The following ASB3 variants were observed in gnomAD, a reference collection of about 807,000 sequenced individuals.
ASB3 encodes the protein ankyrin repeat and SOCS box containing 3.
A neutral mutation model predicts 54.5 loss-of-function variants in ASB3; 41 were observed. The ratio of observed to expected loss-of-function variants is 0.75; its 90% CI spans 0.59 to 0.98. The LOEUF (loss-of-function observed/expected upper bound fraction) is 0.98, where lower values mean the gene tolerates loss of function less well. Ranked by LOEUF, ASB3 falls within the 50% of genes least tolerant of loss-of-function variation. The probability of loss-of-function intolerance (pLI) is 0.00; values close to 1 mark genes in which losing one functional copy is unlikely to be tolerated. For missense variants in ASB3, 733 were observed against 620.0 expected, an observed-to-expected ratio of 1.18 and a Z score of -1.94; for synonymous variants, 266 against 221.2, an observed-to-expected ratio of 1.20 and a Z score of -1.80.
chr2:53,673,061 T>C (rs889832407), intron 9 of ASB3, among the ~76,000 whole-genome samples: 4 of 152,194 alleles, frequency 2.6e-5, no homozygotes, highest in Non-Finnish European at 2.9e-5. Context: ...GTAGGAACAC[T>C]GGCATTCTAG....
intron 9 of ASB3, among the ~76,000 whole-genome samples, chr2:53,671,759 C>CAA (rs201308530): frequency 1.8e-5 from 2 of 110,760 alleles, no homozygotes; most frequent in African/African-American, 6.4e-5. Context: ...AACTCCTTCT[C>CAA]AAAAAAAAAA....
chr2:53,692,398 G>A (rs950583572), intron 9 of ASB3, among the ~76,000 whole-genome samples: 2 of 152,070 alleles, frequency 1.3e-5, no homozygotes, highest in African/African-American at 2.4e-5. Flanking sequence ...AAGAAAAGAG[G>A]GCTTGGCTAG....
chr2:53,677,628 T>A (rs1052623170), intron 9 of ASB3, among the ~76,000 whole-genome samples: 11 of 152,178 alleles, frequency 7.2e-5, no homozygotes, highest in African/African-American at 2.7e-4. Flanking sequence ...GGAACATGAG[T>A]TTCCCCAATG....
At chr2:53,744,042 CAA>C (rs754362156) in intron 3 of ASB3, among the ~76,000 whole-genome samples, 29 of 85,956 alleles carry the variant, frequency 3.4e-4, no homozygotes, top group Admixed American at 7.3e-4. Flanking sequence ...GACTCTGTCT[CAA>C]AAAAAAAAAA....
At chr2:53,764,410 A>C (rs895911550) in intron 2 of ASB3, among the ~76,000 whole-genome samples, 1 of 152,198 alleles carries the variant, frequency 6.6e-6, no homozygotes, top group African/African-American at 2.4e-5. Context: ...TTACAAGTCA[A>C]CTTCTCTGAG....
intron 1 of ASB3, chr2:53,767,543 T>C: frequency 4.8e-6 from 1 of 206,760 alleles, no homozygotes; most frequent in Non-Finnish European, 9.9e-6. Flanking sequence ...CAGTTCCAAT[T>C]TCAGAGCCAA....
chr2:53,701,031 A>C (rs1669463530), intron 7 of ASB3, among the ~76,000 whole-genome samples: 1 of 152,214 alleles, frequency 6.6e-6, no homozygotes, highest in Non-Finnish European at 1.5e-5. Context: ...GCTGACGTGC[A>C]GTGGCACAAT....
At chr2:53,676,168 T>C (rs1001167757) in intron 9 of ASB3, among the ~76,000 whole-genome samples, 1 of 152,212 alleles carries the variant, frequency 6.6e-6, no homozygotes, top group East Asian at 1.9e-4. Context: ...ACAATAACTA[T>C]GGTCACTCCC....
chr2:53,732,217 T>C (rs1449575659), intron 3 of ASB3, among the ~76,000 whole-genome samples: 1 of 151,906 alleles, frequency 6.6e-6, no homozygotes, highest in Non-Finnish European at 1.5e-5. Context: ...CGCCTCAGCC[T>C]CCCAAAGTGC....
chr2:53,686,228 G>A (rs1201593530), intron 9 of ASB3, among the ~76,000 whole-genome samples: 1 of 152,154 alleles, frequency 6.6e-6, no homozygotes, highest in Admixed American at 6.6e-5. Context: ...TCTACTTCTG[G>A]ATGGTTATTT....
In ASB3 at chr2:53,726,251, A is replaced by C. The variant is rs115795251; in HGVS notation, c.604+2461T>G. On this transcript the variant is annotated intron_variant, in intron 5 of 9. Transcript: ENST00000263634. ...ATTAAGGTGCAGTTTAATCTATTTA[A>C]TCTAAATTTTTTTTTTTTTTTTTTT... Among the ~76,000 whole-genome samples the C allele has an allele frequency of 8.0e-3, 1,195 of 149,912 alleles. 16 individuals are homozygous for C. Among genetic ancestry groups the C allele is most frequent in the African/African-American group, 0.028 (1,125 of 40,582 alleles).
intron 3 of ASB3, among the ~76,000 whole-genome samples, chr2:53,741,745 T>C (rs886246044): frequency 1.3e-5 from 2 of 152,226 alleles, no homozygotes; most frequent in East Asian, 3.8e-4. Context: ...TGTAGCACAA[T>C]ATAGGCATTT....
chr2:53,705,913 G>A (rs963891541), intron 7 of ASB3, among the ~76,000 whole-genome samples: 28 of 152,142 alleles, frequency 1.8e-4, no homozygotes, highest in Admixed American at 9.2e-4. Flanking sequence ...GTTCCAAACA[G>A]GCAATATCCT....
chr2:53,711,804 C>G (rs1304590714), intron 7 of ASB3, among the ~76,000 whole-genome samples: 1 of 151,828 alleles, frequency 6.6e-6, no homozygotes, highest in Non-Finnish European at 1.5e-5. Context: ...TGGGAAAATT[C>G]GTTTTCATGT....
Position 53,729,476 on chromosome 2 carries a change from C to CA in ASB3, c.449dup (p.Leu150PhefsTer11). ...AGGTTACCTGAAAAGAAGCCTGGTG[C>CA]AAGGAGTTCCATCCACACATAGAAT... On this transcript the variant is annotated frameshift_variant, in exon 4 of 10. Coordinates refer to ENST00000263634, the MANE Select transcript of ASB3 (RefSeq NM_016115.5). LOFTEE classifies it high-confidence loss of function. The CA allele has an allele frequency of 6.2e-7, 1 of 1,613,826 alleles. No homozygotes were observed. The highest frequency in any genetic ancestry group is 8.5e-7 in the Non-Finnish European group (1 of 1,179,766).
At position 53,752,635 on chromosome 2, in the gene ASB3, C is replaced by G. The variant is rs11888932; in HGVS notation, c.197-1694G>C. ...AGGCAAGCCCCCTGTGCACAATGAC[C>G]TGGGCAGCATTTGGCTGTCTCCTCT... On this transcript the variant is annotated intron_variant, in intron 2 of 9. Transcript: ENST00000263634. Among the ~76,000 whole-genome samples, 614 of 152,366 alleles carry G rather than the reference C, an allele frequency of 4.0e-3. 1 individual carries two copies. Among genetic ancestry groups the G allele is most frequent in the African/African-American group, 0.014 (571 of 41,586 alleles).
intron 3 of ASB3, among the ~76,000 whole-genome samples, chr2:53,743,883 A>G (rs1390943651): frequency 6.6e-6 from 1 of 151,916 alleles, no homozygotes; most frequent in Non-Finnish European, 1.5e-5. Flanking sequence ...TCGCCACTAA[A>G]TGTACAAAAA....
At chr2:53,725,273 G>A (rs190659831) in intron 5 of ASB3, among the ~76,000 whole-genome samples, 168 of 152,300 alleles carry the variant, frequency 1.1e-3, no homozygotes, top group Non-Finnish European at 2.1e-3. Flanking sequence ...AACAGATACT[G>A]GGGACTAATA....
chr2:53,774,403 CT>C (rs753926903), intron 1 of ASB3: 8 of 1,612,850 alleles, frequency 5.0e-6, no homozygotes, highest in Non-Finnish European at 6.8e-6. Context: ...TACAGAATAT[CT>C]TTTTGAACTT....
Sources: gnomAD v4.1 joint callset for allele counts (sites outside exome capture counted in the v4.1 genomes callset) on GRCh38, gnomAD v4.1.1 for gene constraint, MANE v1.5 for transcripts, NCBI Gene and HGNC (gene_info 2026-07-23, HGNC 2026-07-21) for gene names.